Variants in KDM3B observed in about 807,000 individuals in gnomAD.
KDM3B encodes the protein lysine-specific demethylase 3B.
In KDM3B, 10 loss-of-function variants were observed where a neutral mutation model predicts 170.0. The observed-to-expected ratio is 0.06, with a 90% confidence interval of 0.04 to 0.10. The LOEUF (loss-of-function observed/expected upper bound fraction) is 0.10. Among genes scored for constraint, KDM3B ranks in the 10% least tolerant of loss-of-function variants. The pLI, the probability that KDM3B is intolerant of heterozygous loss-of-function variation, is 1.00. For synonymous variants in KDM3B, 831 were observed against 834.8 expected (o/e 1.00, Z 0.08); for missense variants, 1,394 against 2,195.2 (o/e 0.64, Z 7.29).
intron 12 of KDM3B, among the ~76,000 whole-genome samples, chr5:138,416,176 T>A (rs1247829722): frequency 6.6e-6 from 1 of 152,224 alleles, no homozygotes; most frequent in African/African-American, 2.4e-5. Context: ...ACAATCCCAG[T>A]TTACTTCAGT....
intron 12 of KDM3B, 32 bp from the exon 13 acceptor site, chr5:138,417,451 G>A: frequency 6.2e-7 from 1 of 1,608,124 alleles, no homozygotes; most frequent in African/African-American, 1.3e-5. Flanking sequence ...GAGTATTCTG[G>A]TGTTATTTTT....
chr5:138,380,836 T>TAG (rs1435791300), intron 5 of KDM3B, among the ~76,000 whole-genome samples: 2 of 151,900 alleles, frequency 1.3e-5, no homozygotes, highest in Non-Finnish European at 2.9e-5. Context: ...GTGCTGGGGT[T>TAG]ACAGGCATGA....
rs1289498143 is a variant in KDM3B at position 138,392,348 on chromosome 5, T to A, written c.2629+87T>A. 2.3e-6 allele frequency: 3 copies of A among 1,310,010 alleles called. No homozygotes were observed. In the East Asian group the frequency reaches 7.4e-5, roughly 32 times the overall value. The allele number at this position is 1,310,010 out of a possible 1,614,324, so 81.1% of individuals were successfully genotyped here. The stretch of plus-strand genomic sequence containing the variant: ...TTCTTGTGCAGCAGAGGCACTCACT[T>A]TGATGGAGAGTTCTGTAATCTCATA... On this transcript the variant is annotated intron_variant, in intron 8 of 23. Coordinates refer to ENST00000314358, the MANE Select transcript of KDM3B (RefSeq NM_016604.4).
intron 10 of KDM3B, 40 bp from the exon 11 acceptor site, chr5:138,399,820 C>T (rs748637336): frequency 6.9e-6 from 11 of 1,594,480 alleles, no homozygotes; most frequent in Non-Finnish European, 8.6e-6. Flanking sequence ...TGTTATTGGT[C>T]AGGATGATCA....
chr5:138,419,334 C>A, intron 14 of KDM3B, 102 bp downstream of exon 14: 1 of 1,342,258 alleles, frequency 7.5e-7, no homozygotes, highest in Non-Finnish European at 1.0e-6. Flanking sequence ...ATGAAACATG[C>A]TACTTACTTT....
chr5:138,435,940 T>C lies in KDM3B; in HGVS notation c.*240T>C. On this transcript the variant is annotated 3_prime_UTR_variant, in exon 24 of 24. Transcript: ENST00000314358. ...AGCCAAGAGTGCCACATCCCTATCC[T>C]GTGGCCTTTTGGAAATCCAAATTGC... 1 of 445,572 alleles carries C rather than the reference T, an allele frequency of 2.2e-6. No homozygotes were observed. The allele number at this position is 445,572 out of a possible 1,614,324, so 27.6% of individuals were successfully genotyped here.
chr5:138,403,000 A>C (rs895457534), intron 11 of KDM3B, among the ~76,000 whole-genome samples: 3 of 152,216 alleles, frequency 2.0e-5, no homozygotes, highest in Admixed American at 6.5e-5. Flanking sequence ...CCCAAGATGG[A>C]ACCTTCAGAA....
chr5:138,406,275 G>T (rs960260658), intron 11 of KDM3B, among the ~76,000 whole-genome samples: 16 of 152,170 alleles, frequency 1.1e-4, no homozygotes. Flanking sequence ...AGCCCAGAAG[G>T]GTGAGGCTGT....
At chr5:138,373,443 T>C (rs763660501) in intron 2 of KDM3B, among the ~76,000 whole-genome samples, 17 of 152,222 alleles carry the variant, frequency 1.1e-4, no homozygotes, top group Non-Finnish European at 2.4e-4. Context: ...TTTTTTTCAA[T>C]TATGGAGTGA....
intron 6 of KDM3B, among the ~76,000 whole-genome samples, chr5:138,384,900 C>G (rs1207852109): frequency 5.2e-5 from 7 of 135,738 alleles, no homozygotes; most frequent in African/African-American, 1.9e-4. Context: ...GGCAACAGAG[C>G]AAGACTCCAT....
Position 138,424,075 on chromosome 5 carries a change from G to A in KDM3B, c.3973G>A (p.Gly1325Arg). 2.6e-6 allele frequency: 4 copies of A among 1,550,454 alleles called. No individual in the cohort carries two copies. Among genetic ancestry groups the A allele is most frequent in the Non-Finnish European group, 3.5e-6 (4 of 1,145,358 alleles). Residue 1325 changes from glycine to arginine, a missense_variant and splice_region_variant, in exon 16 of 24, where the codon GGA becomes AGA. This residue lies in a region of KDM3B where 137 missense variants were observed against 166.9 expected (regional missense o/e 0.82). Transcript: ENST00000314358. ...FPPVFSTSSA[G>R]VKSKASLPNF... is the part of the protein sequence containing the mutation. ...TACCTGGTGGATTTGTGTCTGGCAG[G>A]GAGTGAAGAGCAAGGCCAGCCTACC...
chr5:138,426,887 AAAG>A, intron 17 of KDM3B, 85 bp from the exon 18 acceptor site: 2 of 579,216 alleles, frequency 3.5e-6, no homozygotes. Flanking sequence ...AAAAGAAAAA[AAAG>A]AGATTAGTCT....
chr5:138,422,550 G>T (rs1230464660), intron 15 of KDM3B, among the ~76,000 whole-genome samples: 2 of 152,182 alleles, frequency 1.3e-5, no homozygotes, highest in African/African-American at 4.8e-5. Context: ...TGAGGCAGGA[G>T]AATCGCCTGA....
intron 11 of KDM3B, among the ~76,000 whole-genome samples, chr5:138,404,485 G>A (rs1352528150): frequency 6.6e-6 from 1 of 151,998 alleles, no homozygotes; most frequent in Non-Finnish European, 1.5e-5. Context: ...AAATTAGCCG[G>A]GTGTGGTGGC....
chr5:138,375,902 C>G (rs1414879971), intron 3 of KDM3B, among the ~76,000 whole-genome samples: 2 of 152,090 alleles, frequency 1.3e-5, no homozygotes, highest in African/African-American at 4.8e-5. Context: ...GTCTCGAACT[C>G]CTGACTTCAG....
intron 11 of KDM3B, among the ~76,000 whole-genome samples, chr5:138,406,690 A>T (rs897042682): frequency 6.6e-6 from 1 of 152,210 alleles, no homozygotes; most frequent in Non-Finnish European, 1.5e-5. Context: ...AGTATAAATG[A>T]GAAAAAGATA....
At chr5:138,396,391 G>C (rs1762547662) in intron 9 of KDM3B, among the ~76,000 whole-genome samples, 2 of 152,142 alleles carry the variant, frequency 1.3e-5, no homozygotes, top group Admixed American at 1.3e-4. Context: ...CACTGCGCCC[G>C]GCCAAGTATA....
intron 1 of KDM3B, among the ~76,000 whole-genome samples, chr5:138,372,285 G>A (rs185414181): frequency 3.9e-5 from 6 of 152,298 alleles, no homozygotes; most frequent in Admixed American, 2.6e-4. Context: ...TGGATTATGA[G>A]CTTTTTGAGA....
intron 11 of KDM3B, among the ~76,000 whole-genome samples, chr5:138,408,873 T>C (rs1762891725): frequency 6.6e-6 from 1 of 152,172 alleles, no homozygotes; most frequent in Non-Finnish European, 1.5e-5. Flanking sequence ...GAAAATTGGC[T>C]CTTGCTTGGG....
Sources: allele counts gnomAD v4.1 joint callset (sites outside exome capture counted in the v4.1 genomes callset), GRCh38; gene constraint gnomAD v4.1.1; regional missense constraint gnomAD v4.1.1; transcripts MANE v1.5; gene names NCBI Gene and HGNC (gene_info 2026-07-23, HGNC 2026-07-21).